Variants in MTAP observed in about 807,000 individuals in gnomAD.
MTAP encodes methylthioadenosine phosphorylase, also known as S-methyl-5'-thioadenosine phosphorylase.
MTAP carries 33 observed loss-of-function variants against 33.6 expected under a neutral mutation model. The observed-to-expected ratio is 0.98, with a 90% CI of 0.74 to 1.31. MTAP has a LOEUF of 1.31. MTAP is among the 40% of genes most tolerant of loss of function. The pLI is 0.00. For synonymous variants in MTAP, 148 were observed against 125.7 expected (o/e 1.18, Z -1.19); for missense variants, 367 against 360.0 (o/e 1.02, Z -0.16).
At position 21,909,855 on chromosome 9, in the gene MTAP, C is replaced by T. The variant is rs151273782; in HGVS notation, c.148-21153C>T. ...CTTTATAGATGAGAAAACTAAAGCTCGGGATGTTATGTAACTTGCCCAAGC... is the reference window on the plus strand; with the variant it reads ...CTTTATAGATGAGAAAACTAAAGCTTGGGATGTTATGTAACTTGCCCAAGC... On this transcript the variant is annotated intron_variant, in intron 1 of 1. Transcript: ENST00000577563. Among the ~76,000 whole-genome samples the T allele has an allele frequency of 7.9e-5, 12 of 152,184 alleles. No homozygotes were observed. The East Asian group carries it at 1.9e-3, about 24-fold the overall frequency.
At chr9:21,898,299 T>C (rs2118786168) in intron 1 of MTAP, among the ~76,000 whole-genome samples, 1 of 152,264 alleles carries the variant, frequency 6.6e-6, no homozygotes, top group Admixed American at 6.5e-5. Context: ...ACCTAGGCAA[T>C]ACCATTCAGG....
intron 1 of MTAP, among the ~76,000 whole-genome samples, chr9:21,907,561 A>T (rs1818495287): frequency 6.6e-6 from 1 of 152,228 alleles, no homozygotes; most frequent in Non-Finnish European, 1.5e-5. Context: ...TGTCTCAAAA[A>T]CAACAACAAA....
chr9:21,838,439 C>G (rs1825162512), intron 5 of MTAP, among the ~76,000 whole-genome samples: 1 of 152,140 alleles, frequency 6.6e-6, no homozygotes, highest in Non-Finnish European at 1.5e-5. Context: ...ATAGCATGTA[C>G]CTTATAAGAC....
chr9:21,904,319 C>T (rs546707321), intron 1 of MTAP, among the ~76,000 whole-genome samples: 14 of 152,294 alleles, frequency 9.2e-5, no homozygotes, highest in Non-Finnish European at 2.9e-5. Flanking sequence ...TTGGGAAATG[C>T]AACATTTGCG....
intron 5 of MTAP, among the ~76,000 whole-genome samples, chr9:21,844,061 C>A (rs183834459): frequency 6.6e-6 from 1 of 152,220 alleles, no homozygotes; most frequent in East Asian, 1.9e-4. Context: ...ACAACCAATA[C>A]CACAGAATAC....
chr9:21,821,502 T>C (rs1393962132), intron 4 of MTAP, among the ~76,000 whole-genome samples: 1 of 152,246 alleles, frequency 6.6e-6, no homozygotes, highest in African/African-American at 2.4e-5. Context: ...ATAAGCTTTT[T>C]GATGTGCTGC....
chr9:21,826,614 T>TATC (rs1489780705), intron 4 of MTAP, among the ~76,000 whole-genome samples: 5 of 44,378 alleles, frequency 1.1e-4, no homozygotes, highest in Admixed American at 2.3e-4. Context: ...TTTTGTTTAT[T>TATC]ATTATTATTA....
intron 1 of MTAP, among the ~76,000 whole-genome samples, chr9:21,919,736 A>C (rs1293110221): frequency 6.6e-6 from 1 of 152,202 alleles, no homozygotes; most frequent in Non-Finnish European, 1.5e-5. Context: ...TTAGAGGTCA[A>C]GGTGGAGTAA....
At chr9:21,926,829 A>G (rs1247935672) in intron 1 of MTAP, among the ~76,000 whole-genome samples, 1 of 152,192 alleles carries the variant, frequency 6.6e-6, no homozygotes, top group African/African-American at 2.4e-5. Flanking sequence ...CGATTAAGAA[A>G]AGAGGTTTAA....
At chr9:21,910,000 A>C (rs1336232281) in intron 1 of MTAP, among the ~76,000 whole-genome samples, 2 of 152,180 alleles carry the variant, frequency 1.3e-5, no homozygotes, top group Non-Finnish European at 2.9e-5. Flanking sequence ...TTACAGCATT[A>C]AATTGCACCA....
chr9:21,919,445 A>C (rs910012814), intron 1 of MTAP, among the ~76,000 whole-genome samples: 1 of 152,236 alleles, frequency 6.6e-6, no homozygotes, highest in Non-Finnish European at 1.5e-5. Flanking sequence ...AGGAGCAAAA[A>C]AACAGATGGT....
chr9:21,908,047 T>G (rs1452993544), intron 1 of MTAP, among the ~76,000 whole-genome samples: 6 of 152,180 alleles, frequency 3.9e-5, no homozygotes, highest in Non-Finnish European at 7.4e-5. Context: ...ATTGATATAG[T>G]CAAGATACAG....
At chr9:21,825,034 A>G (rs1402445983) in intron 4 of MTAP, among the ~76,000 whole-genome samples, 2 of 151,508 alleles carry the variant, frequency 1.3e-5, no homozygotes, top group Non-Finnish European at 2.9e-5. Flanking sequence ...GAATTCCTTG[A>G]CCCCTTACGC....
chr9:21,803,016 A>ACCACCAC (rs1824100214), intron 1 of MTAP: 1 of 1,099,850 alleles, frequency 9.1e-7, no homozygotes. Context: ...ACACACACAC[A>ACCACCAC]CACACACACA....
At chr9:21,928,661 G>T (rs1818907175) in intron 1 of MTAP, among the ~76,000 whole-genome samples, 1 of 151,936 alleles carries the variant, frequency 6.6e-6, no homozygotes, top group African/African-American at 2.4e-5. Flanking sequence ...GCATGAAGTG[G>T]TACCCTCACT....
intron 4 of MTAP, among the ~76,000 whole-genome samples, chr9:21,828,098 C>A (rs1225647391): frequency 1.3e-5 from 2 of 152,184 alleles, no homozygotes; most frequent in Non-Finnish European, 2.9e-5. Flanking sequence ...AAGATGGAGA[C>A]TAGAAAGAAA....
At chr9:21,820,624 A>G (rs1257851701) in intron 4 of MTAP, among the ~76,000 whole-genome samples, 2 of 150,282 alleles carry the variant, frequency 1.3e-5, no homozygotes, top group Non-Finnish European at 3.0e-5. Context: ...GGCAATGTTC[A>G]TGGTTCCATA....
At chr9:21,843,341 C>T (rs1162296257) in intron 5 of MTAP, among the ~76,000 whole-genome samples, 3 of 152,104 alleles carry the variant, frequency 2.0e-5, no homozygotes, top group Admixed American at 6.5e-5. Flanking sequence ...CCACTGACGG[C>T]ACTAGACAGG....
intron 1 of MTAP, among the ~76,000 whole-genome samples, chr9:21,904,718 G>C (rs1388094539): frequency 7.2e-5 from 11 of 152,096 alleles, no homozygotes; most frequent in Admixed American, 6.5e-4. Flanking sequence ...GATTAGTAAG[G>C]TTTTTTAACA....
Sources: gnomAD v4.1 joint callset for allele counts (sites outside exome capture counted in the v4.1 genomes callset) on GRCh38, gnomAD v4.1.1 for gene constraint, MANE v1.5 for transcripts, NCBI Gene and HGNC (gene_info 2026-07-23, HGNC 2026-07-21) for gene names.